Variants in GGT5 observed in about 807,000 individuals in gnomAD.
The protein encoded by GGT5 is glutathione hydrolase 5 proenzyme.
A neutral mutation model predicts 58.1 loss-of-function variants in GGT5; 50 were observed. The ratio of observed to expected loss-of-function variants is 0.86; its 90% CI spans 0.69 to 1.09. The LOEUF is 1.09. Ranked by LOEUF, GGT5 falls within the 50% of genes least tolerant of loss-of-function variation. The pLI, the probability that GGT5 is intolerant of heterozygous loss-of-function variation, is 0.00. For synonymous variants in GGT5, 370 were observed against 346.1 expected (o/e 1.07, Z -0.77); for missense variants, 800 against 789.4 (o/e 1.01, Z -0.16).
chr22:24,221,984 G>GC (rs1569351209), intron 11 of GGT5, among the ~76,000 whole-genome samples: 1 of 151,038 alleles, frequency 6.6e-6, no homozygotes, highest in African/African-American at 2.4e-5. Context: ...TTTGAGACCA[G>GC]CCTGGCCAAC....
chr22:24,228,068 A>AAAAC, intron 6 of GGT5, among the ~76,000 whole-genome samples: 1 of 73,602 alleles, frequency 1.4e-5, no homozygotes, highest in East Asian at 3.4e-4. Context: ...AAAAAAAAAC[A>AAAAC]AAACAAAAAA....
chr22:24,227,296 G>A (rs1356171371), intron 6 of GGT5, among the ~76,000 whole-genome samples: 1 of 152,040 alleles, frequency 6.6e-6, no homozygotes, highest in Non-Finnish European at 1.5e-5. Context: ...CACCCAGGCT[G>A]GAGTGTGTGG....
Position 24,244,896 on chromosome 22 carries a change from C to T in GGT5, c.-171G>A, listed in dbSNP as rs1299777240. 6 of 1,207,318 alleles carry T rather than the reference C, an allele frequency of 5.0e-6. No individual in the cohort carries two copies. Among genetic ancestry groups the T allele is most frequent in the Non-Finnish European group, 6.7e-6 (6 of 893,640 alleles). The allele number at this position is 1,207,318 out of a possible 1,614,324, so 74.8% of individuals were successfully genotyped here. ...ATGGATCGACAGATAGGCCAGATAG[C>T]TAGACAAAGAGGACAGTAAGAGAAA... On this transcript the variant is annotated 5_prime_UTR_variant, in exon 1 of 12. Coordinates refer to ENST00000327365, the MANE Select transcript of GGT5 (RefSeq NM_004121.5).
chr22:24,220,146 G>A, intron 11 of GGT5, 30 bp from the exon 12 acceptor site: 2 of 1,611,126 alleles, frequency 1.2e-6, no homozygotes, highest in Non-Finnish European at 1.7e-6. Context: ...GGTTCACAGG[G>A]GAGGGCAGCT....
intron 1 of GGT5, among the ~76,000 whole-genome samples, chr22:24,239,939 A>G (rs1321277068): frequency 1.3e-5 from 2 of 152,048 alleles, no homozygotes; most frequent in African/African-American, 2.4e-5. Context: ...TACAAAAATT[A>G]GCCGGGCATA....
At chr22:24,220,816 G>C in intron 11 of GGT5, 1 of 376,596 alleles carries the variant, frequency 2.7e-6, no homozygotes, top group Non-Finnish European at 5.2e-6. Flanking sequence ...AGGATCTTTT[G>C]AGCTCAGGAG....
At chr22:24,232,679 T>G (rs969912229) in intron 4 of GGT5, 144 bp downstream of exon 4, 4 of 516,056 alleles carry the variant, frequency 7.8e-6, no homozygotes, top group African/African-American at 6.0e-5. Flanking sequence ...GGAAGGGCCA[T>G]GAAAAGTACT....
At chr22:24,224,070 A>G (rs182160598) in intron 11 of GGT5, among the ~76,000 whole-genome samples, 266 of 151,914 alleles carry the variant, frequency 1.8e-3, no homozygotes, top group Middle Eastern at 6.8e-3. Context: ...GCCACTATCA[A>G]TCTTTTAAAT....
intron 11 of GGT5, among the ~76,000 whole-genome samples, chr22:24,223,707 A>G (rs2148887223): frequency 6.6e-6 from 1 of 151,730 alleles, no homozygotes. Flanking sequence ...GAAGTCTCAT[A>G]ACAGGAGAGG....
Position 24,236,676 on chromosome 22 carries a change from T to G in GGT5, c.174-2672A>C, listed in dbSNP as rs925145793. 4.0e-5 allele frequency among the ~76,000 whole-genome samples: 6 copies of G among 149,718 alleles called. No homozygotes were observed. The East Asian group carries it at 1.2e-3, about 29-fold the overall frequency. Reference sequence around the variant, plus strand: ...TACTCAGGAGGCTGAGGCAGGAGAATGGTGTGAACCTGGAAGTCGGAGCTT... The same window carrying G: ...TACTCAGGAGGCTGAGGCAGGAGAAGGGTGTGAACCTGGAAGTCGGAGCTT... On this transcript the variant is annotated intron_variant, in intron 1 of 11. Coordinates refer to ENST00000327365, the MANE Select transcript of GGT5 (RefSeq NM_004121.5).
rs187656825 is a variant in GGT5 at position 24,222,891 on chromosome 22, C to G, written c.1614+2105G>C. ...AGGAGATCGAGACCATCCTGGCTAA[C>G]ACGGTGAAACCCTGTCTCTACTAAA... is the stretch of plus-strand genomic sequence containing the variant. On this transcript the variant is annotated intron_variant, in intron 11 of 11. Coordinates refer to ENST00000327365, the MANE Select transcript of GGT5 (RefSeq NM_004121.5). Among the ~76,000 whole-genome samples, 495 of 150,690 alleles carry G rather than the reference C, an allele frequency of 3.3e-3. 5 individuals carry two copies. The highest frequency in any genetic ancestry group is 2.8e-3 in the Non-Finnish European group (193 of 67,782).
rs756090785 is a variant in GGT5 at position 24,226,736 on chromosome 22, C to G, written c.933G>C (p.Arg311Ser). ...GFNFSTESMA[R>S]PEGRVNVYHH... Reference sequence around the variant, plus strand: ...GGTACACGTTCACCCTCCCTTCAGGCCTGGCCATAGACTCTGTTGAGAAGT... The same window carrying G: ...GGTACACGTTCACCCTCCCTTCAGGGCTGGCCATAGACTCTGTTGAGAAGT... Residue 311 changes from arginine (R) to serine (S), a missense_variant, in exon 7 of 12, where the codon AGG becomes AGC. By Grantham distance (110) the Arg-to-Ser change is moderately radical. Transcript: ENST00000327365. 1 of 1,614,002 alleles carries G rather than the reference C, an allele frequency of 6.2e-7. No homozygotes were observed. Among genetic ancestry groups the G allele is most frequent in the East Asian group, 2.2e-5 (1 of 44,860 alleles).
chr22:24,235,145 G>A (rs76516391), intron 1 of GGT5, among the ~76,000 whole-genome samples: 7,264 of 139,052 alleles, frequency 0.052, 233 homozygotes, highest in South Asian at 0.091. Context: ...TTGCAACCTC[G>A]CCTCCCGGAT....
In GGT5 at chr22:24,225,506, G is replaced by A. The variant is rs192160185; in HGVS notation, c.1336+40C>T. On this transcript the variant is annotated intron_variant, in intron 9 of 11. Transcript: ENST00000327365. Reference sequence around the variant, plus strand: ...CCCCCTCCCTCCTCTCCCCTGGTGGGGGGCCCTTGTGGACCCCGGGTGGGA... The same window carrying A: ...CCCCCTCCCTCCTCTCCCCTGGTGGAGGGCCCTTGTGGACCCCGGGTGGGA... The A allele has an allele frequency of 3.2e-4, 515 of 1,588,404 alleles. 1 individual carries two copies. In the African/African-American group the frequency reaches 6.4e-3, roughly 20 times the overall value.
chr22:24,238,880 T>C (rs1323260574), intron 1 of GGT5, among the ~76,000 whole-genome samples: 1,548 of 14,196 alleles, frequency 0.11, 268 homozygotes, highest in African/African-American at 0.37. Context: ...ATATAATATA[T>C]ATTATATATT....
chr22:24,244,470 T>TCACACA (rs144289030), intron 1 of GGT5, 83 bp downstream of exon 1: 6 of 1,039,074 alleles, frequency 5.8e-6, no homozygotes, highest in African/African-American at 3.2e-5. Flanking sequence ...ATACATTCAC[T>TCACACA]CACACACACA....
intron 1 of GGT5, among the ~76,000 whole-genome samples, chr22:24,235,246 C>T (rs879623951): frequency 6.6e-6 from 1 of 152,000 alleles, no homozygotes; most frequent in Non-Finnish European, 1.5e-5. Flanking sequence ...TTAGTAGAGA[C>T]GAGGTTTCTC....
At chr22:24,220,869 T>A in intron 11 of GGT5, 1 of 331,086 alleles carries the variant, frequency 3.0e-6, no homozygotes, top group South Asian at 2.4e-5. Context: ...ACGTCTTTAT[T>A]AAAAAATAAA....
chr22:24,226,480 C>A (rs1191097417), intron 7 of GGT5, 151 bp downstream of exon 7: 11 of 865,320 alleles, frequency 1.3e-5, no homozygotes, highest in African/African-American at 1.7e-5. Context: ...CCTGTACCTG[C>A]CACCCCGGGA....
Sources: allele counts gnomAD v4.1 joint callset (sites outside exome capture counted in the v4.1 genomes callset), GRCh38; gene constraint gnomAD v4.1.1; transcripts MANE v1.5; gene names NCBI Gene and HGNC (gene_info 2026-07-23, HGNC 2026-07-21).